Variants in CPNE4 observed in about 807,000 individuals in gnomAD.
CPNE4 encodes copine-4.
In CPNE4, 25 loss-of-function variants were observed where a neutral mutation model predicts 67.9. The ratio of observed to expected loss-of-function variants is 0.37; its 90% CI spans 0.27 to 0.51. The LOEUF (loss-of-function observed/expected upper bound fraction) is 0.51. Ranked by LOEUF, CPNE4 falls within the 20% of genes least tolerant of loss-of-function variation. The probability of loss-of-function intolerance (pLI) is 0.93; values close to 1 mark genes in which losing one functional copy is unlikely to be tolerated. For synonymous variants in CPNE4, 242 were observed against 244.9 expected, an observed-to-expected ratio of 0.99 and a Z score of 0.11; for missense variants, 464 against 690.8, an observed-to-expected ratio of 0.67 and a Z score of 3.68.
chr3:131,538,388 T>G (rs1163295330), intron 15 of CPNE4, among the ~76,000 whole-genome samples: 1 of 152,204 alleles, frequency 6.6e-6, no homozygotes, highest in Non-Finnish European at 1.5e-5. Context: ...CCCATCCCCT[T>G]GCATATCTGT....
At chr3:131,756,613 C>T (rs1218831230) in intron 2 of CPNE4, among the ~76,000 whole-genome samples, 1 of 152,238 alleles carries the variant, frequency 6.6e-6, no homozygotes, top group South Asian at 2.1e-4. Context: ...AAGAGAGGAT[C>T]ACCCCAGTGG....
intron 10 of CPNE4, among the ~76,000 whole-genome samples, 185 bp downstream of exon 10, chr3:131,574,886 T>A (rs1202302690): frequency 6.6e-6 from 1 of 152,070 alleles, no homozygotes; most frequent in Non-Finnish European, 1.5e-5. Context: ...ACTATACTTA[T>A]TAAAGAAAAC....
chr3:131,730,694 G>A (rs1468222400), intron 2 of CPNE4, among the ~76,000 whole-genome samples: 1 of 152,170 alleles, frequency 6.6e-6, no homozygotes, highest in East Asian at 1.9e-4. Flanking sequence ...AAGGAAGAGA[G>A]CAGAGTGGTG....
At chr3:131,808,645 T>C (rs1436165226) in intron 2 of CPNE4, among the ~76,000 whole-genome samples, 1 of 152,148 alleles carries the variant, frequency 6.6e-6, no homozygotes, top group Non-Finnish European at 1.5e-5. Flanking sequence ...TTTAAAATAT[T>C]TTGAATAGAA....
intron 2 of CPNE4, among the ~76,000 whole-genome samples, chr3:131,792,728 T>TATACACGTGTATATATGTGTATATATAC (rs1553772333): frequency 1.8e-4 from 17 of 93,570 alleles, no homozygotes; most frequent in African/African-American, 5.8e-4. Flanking sequence ...TGTATATATA[T>TATACACGTGTATATATGTGTATATATAC]ACACGTGTGT....
chr3:131,637,596 C>G (rs1193997462), intron 7 of CPNE4, among the ~76,000 whole-genome samples: 1 of 152,108 alleles, frequency 6.6e-6, no homozygotes, highest in Non-Finnish European at 1.5e-5. Context: ...GAAGAGAAAT[C>G]TAAAAGTTTG....
At chr3:131,891,710 T>A (rs2088123707) in intron 2 of CPNE4, among the ~76,000 whole-genome samples, 1 of 152,162 alleles carries the variant, frequency 6.6e-6, no homozygotes, top group South Asian at 2.1e-4. Context: ...CTGCTAAGGA[T>A]AATAGTCTCC....
chr3:131,734,846 G>T (rs974992133), intron 2 of CPNE4, among the ~76,000 whole-genome samples: 2 of 152,106 alleles, frequency 1.3e-5, no homozygotes, highest in African/African-American at 4.8e-5. Context: ...AGCCATGAAC[G>T]CACTGAGGCA....
chr3:131,982,718 TTATTA>T (rs1162600687), intron 1 of CPNE4, among the ~76,000 whole-genome samples: 1 of 152,228 alleles, frequency 6.6e-6, no homozygotes, highest in African/African-American at 2.4e-5. Context: ...AAGATTTATT[TTATTA>T]TGTGTGTGAA....
intron 2 of CPNE4, among the ~76,000 whole-genome samples, chr3:131,814,480 A>C (rs2084652584): frequency 6.6e-6 from 1 of 151,894 alleles, no homozygotes. Context: ...AAGGGAGAAA[A>C]CTAGGAATAC....
At chr3:131,896,910 A>G (rs2088361369) in intron 2 of CPNE4, among the ~76,000 whole-genome samples, 1 of 152,108 alleles carries the variant, frequency 6.6e-6, no homozygotes, top group Non-Finnish European at 1.5e-5. Flanking sequence ...CCATGGCCAG[A>G]AAAATGAGTG....
At chr3:131,588,593 C>T (rs1374205460) in intron 7 of CPNE4, among the ~76,000 whole-genome samples, 1 of 152,168 alleles carries the variant, frequency 6.6e-6, no homozygotes, top group African/African-American at 2.4e-5. Context: ...ACTTGGTAAT[C>T]TGTTCCCAGA....
intron 2 of CPNE4, among the ~76,000 whole-genome samples, chr3:131,757,265 TTGCCCAAAA>T (rs2082773690): frequency 6.6e-6 from 1 of 152,206 alleles, no homozygotes; most frequent in African/African-American, 2.4e-5. Context: ...TTGAATGGCT[TTGCCCAAAA>T]TGCTGATAGC....
intron 1 of CPNE4, among the ~76,000 whole-genome samples, chr3:131,937,628 G>A (rs1583479209): frequency 6.6e-6 from 1 of 152,096 alleles, no homozygotes; most frequent in Non-Finnish European, 1.5e-5. Context: ...AGGGTGCTGG[G>A]ACAGAAACAA....
At chr3:131,728,216 G>C (rs567557203) in intron 2 of CPNE4, among the ~76,000 whole-genome samples, 125 of 152,224 alleles carry the variant, frequency 8.2e-4, no homozygotes, top group African/African-American at 2.8e-3. Context: ...TATCTTCTTT[G>C]ATGAAGCAGC....
At chr3:131,624,957 C>T (rs1367369286) in intron 7 of CPNE4, among the ~76,000 whole-genome samples, 1 of 152,126 alleles carries the variant, frequency 6.6e-6, no homozygotes, top group African/African-American at 2.4e-5. Context: ...GTGTTTTTAG[C>T]TTCTGGTCCT....
intron 15 of CPNE4, among the ~76,000 whole-genome samples, chr3:131,538,042 G>A (rs1208077410): frequency 1.3e-5 from 2 of 152,142 alleles, no homozygotes; most frequent in Non-Finnish European, 2.9e-5. Flanking sequence ...CATCAAAAAT[G>A]TCAGATATTC....
intron 3 of CPNE4, among the ~76,000 whole-genome samples, chr3:131,720,284 G>GTTTT (rs60028328): frequency 9.3e-6 from 1 of 107,958 alleles, no homozygotes; most frequent in African/African-American, 3.3e-5. Flanking sequence ...ACAGGAATGG[G>GTTTT]TTTTTTTTTT....
chr3:131,810,154 G>A (rs2084467103), intron 2 of CPNE4, among the ~76,000 whole-genome samples: 1 of 151,968 alleles, frequency 6.6e-6, no homozygotes, highest in Admixed American at 6.6e-5. Flanking sequence ...TGGCAATAAT[G>A]TTTTAGATAT....
Sources: gnomAD v4.1 joint callset for allele counts (sites outside exome capture counted in the v4.1 genomes callset) on GRCh38, gnomAD v4.1.1 for gene constraint, MANE v1.5 for transcripts, NCBI Gene and HGNC (gene_info 2026-07-23, HGNC 2026-07-21) for gene names.